LRP1B: variants seen among roughly 807,000 people sequenced by gnomAD.
LRP1B encodes the protein low-density lipoprotein receptor-related protein 1B.
Under a neutral mutation model 556.6 loss-of-function variants are expected in LRP1B, and 217 were observed. That is an observed-to-expected ratio of 0.39 (90% CI 0.35 to 0.44). The LOEUF (loss-of-function observed/expected upper bound fraction) is 0.44, where lower values mean the gene tolerates loss of function less well. LRP1B is among the 20% of genes least tolerant of loss of function. LRP1B has a pLI of 1.00. For missense variants in LRP1B, 5,053 were observed against 5,620.8 expected (o/e 0.90, Z 3.23); for synonymous variants, 2,047 against 1,865.8 (o/e 1.10, Z -2.50).
chr2:142,041,807 G>A (rs545225331), intron 1 of LRP1B, among the ~76,000 whole-genome samples: 1 of 151,444 alleles, frequency 6.6e-6, no homozygotes, highest in Non-Finnish European at 1.5e-5. Context: ...GGTTACTTTT[G>A]CAAAGGTATT....
intron 3 of LRP1B, among the ~76,000 whole-genome samples, chr2:141,280,972 T>C (rs1240938178): frequency 6.6e-6 from 1 of 152,008 alleles, no homozygotes; most frequent in Non-Finnish European, 1.5e-5. Flanking sequence ...ATTTGCCTGA[T>C]CTTATCATAA....
chr2:140,711,782 T>C (rs542725352), intron 37 of LRP1B, among the ~76,000 whole-genome samples: 5 of 152,252 alleles, frequency 3.3e-5, no homozygotes, highest in African/African-American at 1.2e-4. Flanking sequence ...TGTGACTTTC[T>C]TCAATTTCAT....
intron 18 of LRP1B, among the ~76,000 whole-genome samples, chr2:140,972,607 G>GA (rs70991127): frequency 1.6e-4 from 25 of 152,074 alleles, no homozygotes; most frequent in Middle Eastern, 3.4e-3. Context: ...GGAAAAATGG[G>GA]AAAAAATGCA....
intron 27 of LRP1B, among the ~76,000 whole-genome samples, chr2:140,863,278 G>C (rs999936792): frequency 6.6e-6 from 1 of 151,984 alleles, no homozygotes; most frequent in African/African-American, 2.4e-5. Context: ...ATGCAAATCT[G>C]TTCTTTTTAC....
chr2:141,866,809 G>T (rs531109243), intron 1 of LRP1B, among the ~76,000 whole-genome samples: 2 of 151,280 alleles, frequency 1.3e-5, no homozygotes, highest in African/African-American at 4.9e-5. Flanking sequence ...GGGGAGAGGA[G>T]GAGAGAGGAG....
intron 2 of LRP1B, among the ~76,000 whole-genome samples, chr2:141,700,491 T>C (rs1691902542): frequency 1.3e-5 from 2 of 151,874 alleles, no homozygotes; most frequent in African/African-American, 2.4e-5. Flanking sequence ...TCATTAGAAA[T>C]GTTTCCTAAT....
intron 35 of LRP1B, among the ~76,000 whole-genome samples, chr2:140,748,017 T>A (rs1223213691): frequency 6.7e-6 from 1 of 148,252 alleles, no homozygotes; most frequent in Non-Finnish European, 1.5e-5. Flanking sequence ...ATGGGTCATT[T>A]ACATTTTGAA....
At chr2:141,890,325 T>TATATATATAC (rs1246593133) in intron 1 of LRP1B, among the ~76,000 whole-genome samples, 77 of 28,346 alleles carry the variant, frequency 2.7e-3, no homozygotes, top group Non-Finnish European at 4.8e-3. Flanking sequence ...GCACAATACA[T>TATATATATAC]ATATATATAT....
intron 7 of LRP1B, among the ~76,000 whole-genome samples, chr2:141,083,075 C>T (rs557170441): frequency 1.3e-5 from 2 of 152,130 alleles, no homozygotes; most frequent in East Asian, 3.9e-4. Flanking sequence ...CAAGAAGTCT[C>T]CAATTGTTCA....
chr2:141,948,839 C>T (rs1701028910), intron 1 of LRP1B, among the ~76,000 whole-genome samples: 2 of 151,818 alleles, frequency 1.3e-5, no homozygotes, highest in African/African-American at 4.8e-5. Context: ...ATCCAGAGTA[C>T]ATTTTAAAAT....
chr2:141,175,211 C>G (rs1356537319), intron 7 of LRP1B, among the ~76,000 whole-genome samples: 1 of 152,068 alleles, frequency 6.6e-6, no homozygotes, highest in Non-Finnish European at 1.5e-5. Flanking sequence ...AAATTTACAG[C>G]CTGGGCATGT....
intron 66 of LRP1B, among the ~76,000 whole-genome samples, chr2:140,434,375 A>G (rs751597106): frequency 3.3e-5 from 5 of 152,136 alleles, no homozygotes; most frequent in Admixed American, 6.6e-5. Context: ...CGGCCGAATA[A>G]TAGTTTTCAA....
chr2:140,573,456 A>G (rs1681405548), intron 43 of LRP1B, among the ~76,000 whole-genome samples: 1 of 151,944 alleles, frequency 6.6e-6, no homozygotes, highest in African/African-American at 2.4e-5. Context: ...AGATTTTCAA[A>G]TTTCTTCAAA....
intron 6 of LRP1B, among the ~76,000 whole-genome samples, chr2:141,221,409 A>G (rs1683035638): frequency 6.6e-6 from 1 of 152,142 alleles, no homozygotes; most frequent in Admixed American, 6.6e-5. Flanking sequence ...GTTTCATAAA[A>G]CAAGTTCTTA....
intron 8 of LRP1B, among the ~76,000 whole-genome samples, chr2:141,060,059 A>G (rs936646743): frequency 6.6e-6 from 1 of 151,842 alleles, no homozygotes; most frequent in Non-Finnish European, 1.5e-5. Context: ...CGGTTTGATT[A>G]TAAAAATACT....
intron 77 of LRP1B, among the ~76,000 whole-genome samples, chr2:140,336,066 T>G (rs1681076255): frequency 1.3e-5 from 2 of 152,006 alleles, no homozygotes; most frequent in Admixed American, 6.6e-5. Flanking sequence ...TGCACCTGTT[T>G]AACCATTACT....
At chr2:140,919,720 T>C (rs540370811) in intron 21 of LRP1B, among the ~76,000 whole-genome samples, 1 of 152,218 alleles carries the variant, frequency 6.6e-6, no homozygotes, top group East Asian at 1.9e-4. Flanking sequence ...TTTTTGTTCA[T>C]CAGGCAGTAT....
At chr2:142,017,559 G>A (rs970442020) in intron 1 of LRP1B, among the ~76,000 whole-genome samples, 1 of 152,008 alleles carries the variant, frequency 6.6e-6, no homozygotes, top group Non-Finnish European at 1.5e-5. Context: ...TAAATATTGT[G>A]TTGAATTATA....
Position 141,309,640 on chromosome 2 carries a change from A to T in LRP1B, c.344-54999T>A, listed in dbSNP as rs148540056. Reference sequence around the variant, plus strand: ...AGAAAACCAAACACCTCATATTCTCACTCATAAGTAGGAGTTGAACATTGA... The same window carrying T: ...AGAAAACCAAACACCTCATATTCTCTCTCATAAGTAGGAGTTGAACATTGA... On this transcript the variant is annotated intron_variant, in intron 3 of 90. Coordinates refer to ENST00000389484, the MANE Select transcript of LRP1B (RefSeq NM_018557.3). Among the ~76,000 whole-genome samples, 845 of 152,178 alleles carry T rather than the reference A, an allele frequency of 5.6e-3. 8 individuals are homozygous for T. The highest frequency in any genetic ancestry group is 0.019 in the African/African-American group (775 of 41,504).
Sources: gnomAD v4.1 joint callset for allele counts (sites outside exome capture counted in the v4.1 genomes callset) on GRCh38, gnomAD v4.1.1 for gene constraint, MANE v1.5 for transcripts, NCBI Gene and HGNC (gene_info 2026-07-23, HGNC 2026-07-21) for gene names.